GPHN: variants seen among roughly 807,000 people sequenced by gnomAD.
GPHN encodes gephyrin.
Under a neutral mutation model 95.5 loss-of-function variants are expected in GPHN, and 17 were observed. That is an observed-to-expected ratio of 0.18 (90% CI 0.12 to 0.27). GPHN has a LOEUF of 0.27. GPHN is among the 10% of genes least tolerant of loss of function. GPHN has a pLI of 1.00. For synonymous variants in GPHN, 320 were observed against 322.5 expected (o/e 0.99, Z 0.08); for missense variants, 660 against 978.1 (o/e 0.67, Z 4.34).
intron 2 of GPHN, among the ~76,000 whole-genome samples, chr14:66,720,586 A>G (rs1220282020): frequency 1.3e-5 from 2 of 152,180 alleles, no homozygotes; most frequent in East Asian, 3.8e-4. Flanking sequence ...GTTAAAGTCA[A>G]CCTTAGTTTC....
intron 1 of GPHN, among the ~76,000 whole-genome samples, chr14:66,558,194 G>C (rs2060085269): frequency 6.6e-6 from 1 of 152,106 alleles, no homozygotes; most frequent in Non-Finnish European, 1.5e-5. Context: ...CAGTAGGCTA[G>C]TAAGCGTCAG....
At chr14:66,597,821 C>T (rs1181105131) in intron 1 of GPHN, among the ~76,000 whole-genome samples, 1 of 152,188 alleles carries the variant, frequency 6.6e-6, no homozygotes, top group Non-Finnish European at 1.5e-5. Flanking sequence ...CCCACTACTA[C>T]CATCACTTCC....
the GPHN span, chr14:67,221,847 T>C: frequency 2.2e-4 from 348 of 1,607,174 alleles, 4 homozygotes; most frequent in South Asian, 3.6e-3. Flanking sequence ...TTGTGATCCC[T>C]GGTATTCAGT....
intron 2 of GPHN, among the ~76,000 whole-genome samples, chr14:66,753,717 T>C (rs1369263420): frequency 1.3e-5 from 2 of 152,086 alleles, no homozygotes; most frequent in Non-Finnish European, 2.9e-5. Context: ...TATTGAGATA[T>C]ACCTTATATA....
At chr14:67,013,231 AATACTT>A (rs1169109096) in intron 9 of GPHN, among the ~76,000 whole-genome samples, 5 of 152,052 alleles carry the variant, frequency 3.3e-5, no homozygotes, top group African/African-American at 1.2e-4. Flanking sequence ...TGTGGAAACT[AATACTT>A]GAAATAATTT....
chr14:67,669,420 GCAC>G, the GPHN span, among the ~76,000 whole-genome samples: 1,759 of 150,952 alleles, frequency 0.012, 33 homozygotes, highest in African/African-American at 0.041. Flanking sequence ...CAAGTGAGCA[GCAC>G]CACACTACTC....
the GPHN span, chr14:67,392,445 G>A: frequency 2.9e-5 from 46 of 1,568,432 alleles, no homozygotes; most frequent in South Asian, 4.8e-4. Flanking sequence ...GAAGGAGGGA[G>A]CAAGGACTCT....
chr14:66,693,302 T>C (rs2067902952), intron 2 of GPHN, among the ~76,000 whole-genome samples: 1 of 152,216 alleles, frequency 6.6e-6, no homozygotes, highest in Non-Finnish European at 1.5e-5. Flanking sequence ...TAACTTTTTC[T>C]AATGAATATG....
intron 3 of GPHN, among the ~76,000 whole-genome samples, chr14:66,804,406 T>C (rs2153478743): frequency 6.6e-6 from 1 of 152,368 alleles, no homozygotes; most frequent in South Asian, 2.1e-4. Context: ...GTCTTTGTTT[T>C]TCAATTATTA....
At chr14:66,582,068 A>G (rs554317435) in intron 1 of GPHN, among the ~76,000 whole-genome samples, 1 of 152,220 alleles carries the variant, frequency 6.6e-6, no homozygotes, top group South Asian at 2.1e-4. Flanking sequence ...TCTATCCAAC[A>G]GTAGCAGAAT....
Position 66,611,009 on chromosome 14 carries a change from A to C in GPHN, c.65-70098A>C, listed in dbSNP as rs568656358. ...TTAGCAGAGTTTTTTGCTAAAACTG[A>C]ATTTTACAAGAAAGTGCACAGATGG... is the stretch of plus-strand genomic sequence containing the variant. On this transcript the variant is annotated intron_variant, in intron 1 of 22. Coordinates refer to ENST00000478722, the MANE Select transcript of GPHN (RefSeq NM_020806.5). Among the ~76,000 whole-genome samples, 4 of 152,274 alleles carry C rather than the reference A, an allele frequency of 2.6e-5. No homozygotes were observed. In the East Asian group the frequency reaches 5.8e-4, roughly 22 times the overall value.
the GPHN span, among the ~76,000 whole-genome samples, chr14:67,293,454 A>G: frequency 1.2e-4 from 18 of 152,276 alleles, no homozygotes; most frequent in South Asian, 1.7e-3. Flanking sequence ...AAAATGGGCT[A>G]TTGGGGAGGG....
At chr14:67,308,314 CTT>C in the GPHN span, among the ~76,000 whole-genome samples, 60 of 139,478 alleles carry the variant, frequency 4.3e-4, no homozygotes, top group South Asian at 2.0e-3. Flanking sequence ...ACCAAACTTC[CTT>C]TTTTTTTTTT....
chr14:66,896,199 A>G (rs2064841481), intron 5 of GPHN, among the ~76,000 whole-genome samples: 1 of 152,178 alleles, frequency 6.6e-6, no homozygotes, highest in African/African-American at 2.4e-5. Flanking sequence ...AATTTGGGGT[A>G]AACAAAAACA....
the GPHN span, among the ~76,000 whole-genome samples, chr14:67,240,898 A>C: frequency 2.6e-5 from 4 of 152,256 alleles, no homozygotes; most frequent in Non-Finnish European, 4.4e-5. Context: ...TGTTTATGTC[A>C]TTTTTTAAAA....
At chr14:67,429,744 CAAAT>C in the GPHN span, among the ~76,000 whole-genome samples, 4 of 151,968 alleles carry the variant, frequency 2.6e-5, no homozygotes, top group Admixed American at 6.6e-5. Context: ...TCAAAACAAA[CAAAT>C]AAACAGCAAC....
chr14:67,525,004 G>C, the GPHN span, among the ~76,000 whole-genome samples: 6 of 152,292 alleles, frequency 3.9e-5, no homozygotes, highest in South Asian at 1.0e-3. Context: ...TATTGAGTTA[G>C]ATGTCAACTT....
chr14:67,432,722 G>A, the GPHN span, among the ~76,000 whole-genome samples: 1 of 152,098 alleles, frequency 6.6e-6, no homozygotes, highest in Admixed American at 6.5e-5. Context: ...TGGCAGAGTT[G>A]GTTCTTTCTG....
chr14:67,152,977 G>A (rs994163926), intron 18 of GPHN, among the ~76,000 whole-genome samples: 1 of 150,212 alleles, frequency 6.7e-6, no homozygotes. Flanking sequence ...AAAAAAAAAG[G>A]TTCACTGTCT....
Sources: allele counts gnomAD v4.1 joint callset (sites outside exome capture counted in the v4.1 genomes callset), GRCh38; gene constraint gnomAD v4.1.1; transcripts MANE v1.5; gene names NCBI Gene and HGNC (gene_info 2026-07-23, HGNC 2026-07-21).